The following CSE1L variants were observed in gnomAD, a reference collection of about 807,000 sequenced individuals.
CSE1L encodes exportin-2.
Under a neutral mutation model 120.4 loss-of-function variants are expected in CSE1L, and 24 were observed. The ratio of observed to expected loss-of-function variants is 0.20; its 90% CI spans 0.14 to 0.28. The LOEUF is 0.28. Ranked by LOEUF, CSE1L falls within the 10% of genes least tolerant of loss-of-function variation. The pLI is 1.00. For synonymous variants in CSE1L, 402 were observed against 398.3 expected, an observed-to-expected ratio of 1.01 and a Z score of -0.11; for missense variants, 830 against 1,145.2, an observed-to-expected ratio of 0.72 and a Z score of 3.97.
chr20:49,057,280 C>A (rs781713447), intron 1 of CSE1L, among the ~76,000 whole-genome samples: 8 of 152,098 alleles, frequency 5.3e-5, no homozygotes, highest in Non-Finnish European at 1.2e-4. Context: ...GAATCATAAT[C>A]TTAGCTGTCA....
chr20:49,087,917 G>T (rs2092072501), intron 16 of CSE1L, 92 bp from the exon 17 acceptor site: 1 of 749,676 alleles, frequency 1.3e-6, no homozygotes, highest in Non-Finnish European at 2.2e-6. Flanking sequence ...AAATTTAGTT[G>T]ATGAATTAGT....
At chr20:49,074,536 A>G (rs1030489491) in intron 10 of CSE1L, among the ~76,000 whole-genome samples, 31 of 152,138 alleles carry the variant, frequency 2.0e-4, no homozygotes, top group African/African-American at 6.5e-4. Flanking sequence ...GTATAATCCA[A>G]TTCTGGGGAA....
intron 12 of CSE1L, among the ~76,000 whole-genome samples, chr20:49,076,768 TG>T: frequency 6.6e-6 from 1 of 151,864 alleles, no homozygotes; most frequent in East Asian, 1.9e-4. Context: ...TGACTTCAAG[TG>T]ATCTACCCGC....
At position 49,046,635 on chromosome 20, in the gene CSE1L, C is replaced by T. The variant is rs182735306; in HGVS notation, c.-12+212C>T. Reference sequence around the variant, plus strand: ...TGCCGCGCCTCGCGGCATCCTAGGTCTCTGGCCCAGGTGCGGCGACCCCAG... The same window carrying T: ...TGCCGCGCCTCGCGGCATCCTAGGTTTCTGGCCCAGGTGCGGCGACCCCAG... On this transcript the variant is annotated intron_variant, in intron 1 of 24. Transcript: ENST00000262982. 3.5e-3 allele frequency among the ~76,000 whole-genome samples: 531 copies of T among 152,364 alleles called. 3 individuals carry two copies. The highest frequency in any genetic ancestry group is 0.012 in the African/African-American group (512 of 41,590).
intron 2 of CSE1L, 57 bp downstream of exon 2, chr20:49,058,605 C>G: frequency 7.6e-7 from 1 of 1,323,272 alleles, no homozygotes; most frequent in East Asian, 2.3e-5. Flanking sequence ...GTGAGAGAAA[C>G]CTATGTATTA....
In CSE1L at chr20:49,090,952, A is replaced by G. The variant is rs771972101; in HGVS notation, c.2295A>G (p.Gln765=). 16 of 1,610,576 alleles carry G rather than the reference A, an allele frequency of 9.9e-6. No individual in the cohort carries two copies. The highest frequency in any genetic ancestry group is 1.0e-5 in the Non-Finnish European group (12 of 1,177,648). ...IEHMPPESVD[Q]YRKQIFILLF... ...AATTCTTTAGTGAATCAGTTGACCA[A>G]TATAGGAAACAAATCTTCATTCTGC... is the stretch of plus-strand genomic sequence containing the variant. Residue 765 remains glutamine (Q), a synonymous_variant, in exon 21 of 25, where the codon CAA becomes CAG. Transcript: ENST00000262982.
At position 49,084,677 on chromosome 20, in the gene CSE1L, A is replaced by G. The variant is rs997837297; in HGVS notation, c.1619+515A>G. ...AAGTAATTCACTGGGGACCAAGAAA[A>G]TAGGTCTTCTGGCCTGAACCAGGAT... On this transcript the variant is annotated intron_variant, in intron 15 of 24. Coordinates refer to ENST00000262982, the MANE Select transcript of CSE1L (RefSeq NM_001316.4). Among the ~76,000 whole-genome samples, 13 of 152,312 alleles carry G rather than the reference A, an allele frequency of 8.5e-5. 1 individual carries two copies. In the East Asian group the frequency reaches 2.1e-3, roughly 25 times the overall value.
intron 2 of CSE1L, among the ~76,000 whole-genome samples, chr20:49,061,930 C>G (rs999891612): frequency 6.6e-6 from 1 of 152,106 alleles, no homozygotes; most frequent in Non-Finnish European, 1.5e-5. Context: ...TCGAGACTGA[C>G]TGACTAGACT....
chr20:49,080,149 T>A (rs1290573132), intron 14 of CSE1L, among the ~76,000 whole-genome samples: 1 of 152,186 alleles, frequency 6.6e-6, no homozygotes, highest in Non-Finnish European at 1.5e-5. Flanking sequence ...ATCTGGGGGC[T>A]TGATTAGACT....
In CSE1L at chr20:49,090,842, G is replaced by T; in HGVS notation, c.2279+3G>T. On this transcript the variant is annotated splice_donor_region_variant and intron_variant, in intron 20 of 24. Transcript: ENST00000262982. ...AGTATAATAGAGCACATGCCTCCGT[G>T]AGTATGACTAGAACTTTGTGCATTT... 6.2e-7 allele frequency: 1 copy of T among 1,612,118 alleles called. No individual in the cohort carries two copies. Among genetic ancestry groups the T allele is most frequent in the South Asian group, 1.1e-5 (1 of 90,840 alleles).
chr20:49,094,804 T>G lies in CSE1L; in HGVS notation c.2667T>G (p.His889Gln). 1 of 1,614,134 alleles carries G rather than the reference T, an allele frequency of 6.2e-7. No individual in the cohort carries two copies. Among genetic ancestry groups the G allele is most frequent in the Non-Finnish European group, 8.5e-7 (1 of 1,180,006 alleles). The change falls in exon 24 of 25, where the codon CAT becomes CAG. Residue 889 changes from histidine to glutamine, a missense_variant. This residue lies in a region of CSE1L where 112 missense variants were observed against 200.0 expected (regional missense o/e 0.56). Coordinates refer to ENST00000262982, the MANE Select transcript of CSE1L (RefSeq NM_001316.4). The stretch of plus-strand genomic sequence containing the variant: ...ATGATACCATTCCTGATGAGGAACA[T>G]TTTATTGACATAGAAGATACACCAG... ...PEDDTIPDEE[H>Q]FIDIEDTPGY...
intron 10 of CSE1L, among the ~76,000 whole-genome samples, chr20:49,074,522 G>A (rs995877808): frequency 3.9e-5 from 6 of 152,088 alleles, no homozygotes; most frequent in Non-Finnish European, 8.8e-5. Context: ...TTTGACAGTT[G>A]CAGGTATAAT....
At chr20:49,073,680 C>T (rs1786514468) in intron 10 of CSE1L, among the ~76,000 whole-genome samples, 1 of 151,976 alleles carries the variant, frequency 6.6e-6, no homozygotes, top group African/African-American at 2.4e-5. Flanking sequence ...AGATGGGGGT[C>T]TTCCTATGTT....
intron 24 of CSE1L, 92 bp from the exon 25 acceptor site, chr20:49,096,257 C>G: frequency 9.9e-7 from 1 of 1,008,356 alleles, no homozygotes; most frequent in Non-Finnish European, 1.6e-6. Context: ...GCTGCTCTTC[C>G]CAGAGCTGTG....
Position 49,096,460 on chromosome 20 carries a change from A to G in CSE1L, c.*22A>G, listed in dbSNP as rs2092141770. ...TTAAACTGCATTTTTCTAATGGGCT[A>G]AACCCAGATGGTTTCCTAGGAAATC... is the stretch of plus-strand genomic sequence containing the variant. On this transcript the variant is annotated 3_prime_UTR_variant, in exon 25 of 25. Coordinates refer to ENST00000262982, the MANE Select transcript of CSE1L (RefSeq NM_001316.4). The G allele has an allele frequency of 1.9e-6, 3 of 1,563,066 alleles. No individual in the cohort carries two copies. Among genetic ancestry groups the G allele is most frequent in the South Asian group, 1.1e-5 (1 of 90,108 alleles).
At chr20:49,051,584 G>A (rs375657465) in intron 1 of CSE1L, among the ~76,000 whole-genome samples, 2 of 152,248 alleles carry the variant, frequency 1.3e-5, no homozygotes, top group African/African-American at 2.4e-5. Context: ...GAAGTGGGCA[G>A]TGCAAACCTT....
rs201902060 is a variant in CSE1L at position 49,074,882 on chromosome 20, C to G, written c.1132+32C>G. Reference sequence around the variant, plus strand: ...ATCTTGGTTTTTTAGTTACTAGTCTCTTAGCAAGCCAGTTTTAAGGTGGTT... The same window carrying G: ...ATCTTGGTTTTTTAGTTACTAGTCTGTTAGCAAGCCAGTTTTAAGGTGGTT... On this transcript the variant is annotated intron_variant, in intron 11 of 24. Coordinates refer to ENST00000262982, the MANE Select transcript of CSE1L (RefSeq NM_001316.4). 72 of 1,538,674 alleles carry G rather than the reference C, an allele frequency of 4.7e-5. No individual in the cohort carries two copies. In the African/African-American group the frequency reaches 8.5e-4, roughly 18 times the overall value.
chr20:49,066,778 TA>T (rs2091895539), intron 5 of CSE1L, among the ~76,000 whole-genome samples: 2 of 151,970 alleles, frequency 1.3e-5, no homozygotes, highest in African/African-American at 2.4e-5. Flanking sequence ...CCTATAATCC[TA>T]GCACTTTAGG....
chr20:49,074,017 C>A (rs2091950908), intron 10 of CSE1L, among the ~76,000 whole-genome samples: 1 of 151,890 alleles, frequency 6.6e-6, no homozygotes, highest in Non-Finnish European at 1.5e-5. Flanking sequence ...GAGTTAAAGA[C>A]CAGCCTGGCC....
Sources: allele counts gnomAD v4.1 joint callset (sites outside exome capture counted in the v4.1 genomes callset), GRCh38; gene constraint gnomAD v4.1.1; regional missense constraint gnomAD v4.1.1; transcripts MANE v1.5; gene names NCBI Gene and HGNC (gene_info 2026-07-23, HGNC 2026-07-21).